DMPK: variants seen among roughly 807,000 people sequenced by gnomAD.
DMPK encodes the protein myotonin-protein kinase.
A neutral mutation model predicts 70.3 loss-of-function variants in DMPK; 32 were observed. The ratio of observed to expected loss-of-function variants is 0.46; its 90% CI spans 0.34 to 0.61. DMPK has a LOEUF of 0.61. Ranked by LOEUF, DMPK falls within the 20% of genes least tolerant of loss-of-function variation. The probability of loss-of-function intolerance (pLI) is 0.01; values close to 1 mark genes in which losing one functional copy is unlikely to be tolerated. For synonymous variants in DMPK, 469 were observed against 390.9 expected (o/e 1.20, Z -2.36); for missense variants, 899 against 886.0 (o/e 1.01, Z -0.19).
chr19:45,777,332 C>T lies in DMPK; in HGVS notation c.1141G>A (p.Gly381Ser). 1 of 1,570,956 alleles carries T rather than the reference C, an allele frequency of 6.4e-7. No individual in the cohort carries two copies. The highest frequency in any genetic ancestry group is 8.7e-7 in the Non-Finnish European group (1 of 1,155,820). Residue 381 changes from glycine (G) to serine (S), a missense_variant, in exon 8 of 15, where the codon GGC (glycine) becomes AGC (serine). Physicochemically the swap from Gly to Ser is moderately conservative, Grantham distance 56. Around this residue, in one of 3 missense-constraint regions of DMPK, gnomAD observed 555 missense variants for 483.8 expected, o/e 1.15. Coordinates refer to ENST00000291270, the MANE Select transcript of DMPK (RefSeq NM_004409.5). This position sits in a 1 kb window ranked among gnomAD's most constrained non-coding sequence, Gnocchi z 6.7. ...CAGGGGCCACAGGTACCTACCCCGC[C>T]CCCGCTCACCATGGCAGTGAGCCCG... is the stretch of plus-strand genomic sequence containing the variant. ...EDGLTAMVSGGGETLSDIREG... is the reference protein window; with the variant it reads ...EDGLTAMVSGSGETLSDIREG...
chr19:45,782,388 G>A lies in DMPK; in HGVS notation c.-36C>T, dbSNP rs767095031. ...CAGCACCATGGCCCCTCCCCGGGCCGGGGGCTCGGGGTCCTCCTGTCACAG... is the reference window on the plus strand; with the variant it reads ...CAGCACCATGGCCCCTCCCCGGGCCAGGGGCTCGGGGTCCTCCTGTCACAG... On this transcript the variant is annotated 5_prime_UTR_variant, in exon 1 of 15. Coordinates refer to ENST00000291270, the MANE Select transcript of DMPK (RefSeq NM_004409.5). 1.8e-4 allele frequency: 266 copies of A among 1,507,670 alleles called. No individual in the cohort carries two copies. Among genetic ancestry groups the A allele is most frequent in the Non-Finnish European group, 2.2e-4 (251 of 1,127,294 alleles). The allele number at this position is 1,507,670 out of a possible 1,614,324, so 93.4% of individuals were successfully genotyped here. A position where few individuals can be genotyped will look rare whatever the true frequency, so the allele number is the denominator to read the frequency against.
chr19:45,781,632 C>T (rs550905850), intron 1 of DMPK, among the ~76,000 whole-genome samples: 298 of 152,298 alleles, frequency 2.0e-3, no homozygotes, highest in Admixed American at 3.7e-3. Flanking sequence ...GCACTGGTGG[C>T]GCCTGTCTGC....
chr19:45,771,406 G>T lies in DMPK; in HGVS notation c.1601-10C>A, dbSNP rs1555786869. 1.2e-5 allele frequency: 20 copies of T among 1,608,848 alleles called. No homozygotes were observed. Among genetic ancestry groups the T allele is most frequent in the Non-Finnish European group, 8.5e-7 (1 of 1,178,472 alleles). ...GGGACCCCCGTGACAGCTGGAAGGA[G>T]AAGAAAGAGGCATAGGGCGCGTGGA... is the stretch of plus-strand genomic sequence containing the variant. On this transcript the variant is annotated splice_polypyrimidine_tract_variant and intron_variant, in intron 12 of 14. Coordinates refer to ENST00000291270, the MANE Select transcript of DMPK (RefSeq NM_004409.5).
In DMPK at chr19:45,777,502, C is replaced by T. The variant is rs1331857984; in HGVS notation, c.971G>A (p.Arg324Gln). 4.3e-6 allele frequency: 7 copies of T among 1,613,430 alleles called. No individual in the cohort carries two copies. The highest frequency in any genetic ancestry group is 2.2e-5 in the East Asian group (1 of 44,902). Reference sequence around the variant, plus strand: ...GTCGCCTGCTCCACCCCGGCCCAGCCGTGTCTCCGGGGGACACAGCAACCG... The same window carrying T: ...GTCGCCTGCTCCACCCCGGCCCAGCTGTGTCTCCGGGGGACACAGCAACCG... ...IQRLLCPPET[R>Q]LGRGGAGDFR... The change falls in exon 8 of 15, where the codon CGG becomes CAG. Residue 324 changes from arginine (R) to glutamine (Q), a missense_variant. By Grantham distance (43) the Arg-to-Gln change is conservative (BLOSUM62 1). Around this residue, in one of 3 missense-constraint regions of DMPK, gnomAD observed 555 missense variants for 483.8 expected, o/e 1.15. Transcript: ENST00000291270. This position sits in a 1 kb window ranked among gnomAD's most constrained non-coding sequence, Gnocchi z 6.7.
intron 2 of DMPK, 125 bp downstream of exon 2, chr19:45,779,653 A>C: frequency 6.4e-7 from 1 of 1,555,288 alleles, no homozygotes; most frequent in Non-Finnish European, 8.7e-7. Context: ...ATTGGTCCCA[A>C]GCCCCGCCTC....
chr19:45,771,420 A>T, intron 12 of DMPK, 24 bp from the exon 13 acceptor site: 3 of 1,610,642 alleles, frequency 1.9e-6, no homozygotes, highest in Non-Finnish European at 2.5e-6. Context: ...AAAGAGGCAT[A>T]GGGCGCGTGG....
Position 45,777,848 on chromosome 19 carries a change from G to A in DMPK, c.701C>T (p.Thr234Ile), listed in dbSNP as rs1969865723. ...GTVRSLVAVG[T>I]PDYLSPEILQ... ...GATCTCGGGGGACAGGTAGTCTGGG[G>A]TGCCCACAGCCACCAGCGACCGCAC... The change falls in exon 7 of 15, where the codon ACC becomes ATC. Residue 234 changes from threonine (T) to isoleucine (I), a missense_variant. Physicochemically the swap from Thr to Ile is moderately conservative, Grantham distance 89. Around this residue, in one of 3 missense-constraint regions of DMPK, gnomAD observed 195 missense variants for 259.7 expected, o/e 0.75. Coordinates refer to ENST00000291270, the MANE Select transcript of DMPK (RefSeq NM_004409.5). The surrounding 1 kb of genome is among the most constrained non-coding windows in gnomAD (Gnocchi z 6.7). 1.9e-6 allele frequency: 3 copies of A among 1,610,200 alleles called. No individual in the cohort carries two copies. The highest frequency in any genetic ancestry group is 1.7e-5 in the Admixed American group (1 of 59,978).
Position 45,782,207 on chromosome 19 carries a change from T to C in DMPK, c.146A>G (p.Asp49Gly). ...TAGGCACTCACCCCACTGCAAGAAG[T>C]CGGCCACGTACTTGTCCTGGGCCAG... ...SELAQDKYVA[D>G]FLQWAEPIVV... The change falls in exon 1 of 15, where the codon GAC becomes GGC. Residue 49 changes from aspartate to glycine, a missense_variant. Transcript: ENST00000291270. The C allele has an allele frequency of 6.8e-7, 1 of 1,463,626 alleles. No individual in the cohort carries two copies. The highest frequency in any genetic ancestry group is 9.1e-7 in the Non-Finnish European group (1 of 1,095,360). 90.7% of individuals were successfully genotyped at this position (1,463,626 alleles called of 1,614,324 possible).
chr19:45,772,132 A>G (rs1969497413), intron 10 of DMPK, among the ~76,000 whole-genome samples: 2 of 151,356 alleles, frequency 1.3e-5, no homozygotes. Context: ...GGTCCTCTAA[A>G]TCTACACAGG....
In DMPK at chr19:45,779,452, A is replaced by C. The variant is rs1257829727; in HGVS notation, c.323T>G (p.Leu108Arg). The part of the protein sequence containing the change: ...AMKIMNKWDM[L>R]KRGEVSCFRE... The stretch of plus-strand genomic sequence containing the variant: ...CCAGCCCCTCACCTCGCCCCTCTTC[A>C]GCATGTCCCACTTGTTCATGATCTT... The change falls in exon 3 of 15, where the codon CTG becomes CGG. Residue 108 changes from leucine to arginine, a missense_variant. By Grantham distance (102) the Leu-to-Arg change is moderately radical. Around this residue, in one of 3 missense-constraint regions of DMPK, gnomAD observed 195 missense variants for 259.7 expected, o/e 0.75. Transcript: ENST00000291270. The C allele has an allele frequency of 1.9e-6, 3 of 1,613,648 alleles. No individual in the cohort carries two copies. In the African/African-American group the frequency reaches 4.0e-5, roughly 22 times the overall value.
intron 1 of DMPK, chr19:45,780,287 T>C (rs772659173): frequency 7.1e-6 from 11 of 1,540,742 alleles, no homozygotes; most frequent in Middle Eastern, 1.8e-4. Flanking sequence ...TAGAATGTCC[T>C]GGGTAACGGC....
intron 8 of DMPK, 24 bp from the exon 9 acceptor site, chr19:45,775,058 G>C (rs1411159424): frequency 6.2e-7 from 1 of 1,602,636 alleles, no homozygotes; most frequent in Non-Finnish European, 8.5e-7. Flanking sequence ...ACAGATGTGA[G>C]CAGCAGTCGT....
Position 45,769,829 on chromosome 19 carries a change from T to A in DMPK, c.*659A>T. On this transcript the variant is annotated 3_prime_UTR_variant, in exon 15 of 15. Coordinates refer to ENST00000291270, the MANE Select transcript of DMPK (RefSeq NM_004409.5). ...GGTCTCAGTGCATCCAAAACGTGGA[T>A]TGGGGTTGTTGGGGGTCCTGTAGCC... 4.6e-6 allele frequency: 1 copy of A among 215,620 alleles called. No individual in the cohort carries two copies. The highest frequency in any genetic ancestry group is 6.3e-5 in the South Asian group (1 of 15,924). 13.4% of individuals were successfully genotyped at this position (215,620 alleles called of 1,614,324 possible). A position where few individuals can be genotyped will look rare whatever the true frequency, so the allele number is the denominator to read the frequency against.
At position 45,779,371 on chromosome 19, in the gene DMPK, C is replaced by G. The variant is rs1423693416; in HGVS notation, c.337-12G>C. Reference sequence around the variant, plus strand: ...CGGAAGCACGACACCTGCAGGGCACCCGGAGGAGCTGCAGCCGGAGACGGG... The same window carrying G: ...CGGAAGCACGACACCTGCAGGGCACGCGGAGGAGCTGCAGCCGGAGACGGG... On this transcript the variant is annotated splice_polypyrimidine_tract_variant and intron_variant, in intron 3 of 14. Coordinates refer to ENST00000291270, the MANE Select transcript of DMPK (RefSeq NM_004409.5). 1.9e-6 allele frequency: 3 copies of G among 1,614,066 alleles called. No individual in the cohort carries two copies. Among genetic ancestry groups the G allele is most frequent in the Non-Finnish European group, 2.5e-6 (3 of 1,180,022 alleles).
rs897506569 is a variant in DMPK at position 45,770,966 on chromosome 19, C to A, written c.1737+5G>T. 21 of 1,422,280 alleles carry A rather than the reference C, an allele frequency of 1.5e-5. No individual in the cohort carries two copies. The highest frequency in any genetic ancestry group is 8.9e-5 in the African/African-American group (6 of 67,266). 88.1% of individuals were successfully genotyped at this position (1,422,280 alleles called of 1,614,324 possible). On this transcript the variant is annotated splice_donor_5th_base_variant and intron_variant, in intron 14 of 14. Coordinates refer to ENST00000291270, the MANE Select transcript of DMPK (RefSeq NM_004409.5). Reference sequence around the variant, plus strand: ...GCGGAGGGGGGCGTGGGCAGCCGGACGTACCCTGGCAGGGAGCAGCAGGTG... The same window carrying A: ...GCGGAGGGGGGCGTGGGCAGCCGGAAGTACCCTGGCAGGGAGCAGCAGGTG...
chr19:45,782,155 C>T, intron 1 of DMPK, 38 bp downstream of exon 1: 4 of 1,175,742 alleles, frequency 3.4e-6, no homozygotes, highest in Non-Finnish European at 4.6e-6. Flanking sequence ...TGCCCCACCC[C>T]CACCCCATCT....
chr19:45,772,230 A>C, intron 10 of DMPK: 1 of 420,964 alleles, frequency 2.4e-6, no homozygotes, highest in East Asian at 4.1e-5. Flanking sequence ...CCTCACGACA[A>C]AAGGCCTTGC....
rs1164833141 is a variant in DMPK, at chr19:45,770,579, C to G, written c.1799G>C (p.Arg600Pro). ...CCCAATGCAGCCCAGGGCGGCGGCA[C>G]GAGACAGAACAACGGCGAACAGGAG... ...SLLLFAVVLS[R>P]AAALGCIGLV... The change falls in exon 15 of 15, where the codon CGT (arginine) becomes CCT (proline). Residue 600 changes from arginine (R) to proline (P), a missense_variant. Arg to Pro is a moderately radical substitution (Grantham distance 103). Coordinates refer to ENST00000291270, the MANE Select transcript of DMPK (RefSeq NM_004409.5). The G allele has an allele frequency of 6.4e-6, 10 of 1,552,070 alleles. No individual in the cohort carries two copies. The East Asian group carries it at 2.4e-4, about 38-fold the overall frequency.
At chr19:45,772,615 G>T in intron 10 of DMPK, 26 bp downstream of exon 10, 2 of 1,475,384 alleles carry the variant, frequency 1.4e-6, no homozygotes, top group South Asian at 1.3e-5. Context: ...TGTCCCTGAC[G>T]GACCCCCTCC....
Sources: gnomAD v4.1 joint callset for allele counts (sites outside exome capture counted in the v4.1 genomes callset) on GRCh38, gnomAD v4.1.1 for gene constraint, gnomAD v4.1.1 regional missense constraint, Gnocchi (gnomAD v3.1) non-coding constraint, MANE v1.5 for transcripts, NCBI Gene and HGNC (gene_info 2026-07-23, HGNC 2026-07-21) for gene names.